The following ADAM18 variants were observed in gnomAD, a reference collection of about 807,000 sequenced individuals.
ADAM18 encodes ADAM metallopeptidase domain 18.
Under a neutral mutation model 94.4 loss-of-function variants are expected in ADAM18, and 117 were observed. The observed-to-expected ratio is 1.24, with a 90% CI of 1.07 to 1.45. The LOEUF (loss-of-function observed/expected upper bound fraction) is 1.45, where lower values mean the gene tolerates loss of function less well. Among genes scored for constraint, ADAM18 ranks in the 40% most tolerant of loss-of-function variants. ADAM18 has a pLI of 0.00. For synonymous variants in ADAM18, 327 were observed against 291.6 expected (o/e 1.12, Z -1.24); for missense variants, 936 against 880.0 (o/e 1.06, Z -0.81).
At chr8:39,602,749 G>A (rs879308683) in intron 2 of ADAM18, among the ~76,000 whole-genome samples, 1 of 151,790 alleles carries the variant, frequency 6.6e-6, no homozygotes, top group Non-Finnish European at 1.5e-5. Context: ...CCTGTCTATA[G>A]CTTTTTTTCA....
intron 2 of ADAM18, among the ~76,000 whole-genome samples, chr8:39,593,371 C>T (rs184376259): frequency 2.6e-4 from 40 of 152,098 alleles, no homozygotes; most frequent in African/African-American, 8.4e-4. Flanking sequence ...CAATGGCATT[C>T]GTCACAGAAA....
chr8:39,722,208 T>TATAC (rs1822772590), intron 18 of ADAM18, among the ~76,000 whole-genome samples: 2 of 75,050 alleles, frequency 2.7e-5, no homozygotes, highest in African/African-American at 1.7e-4. Flanking sequence ...TGTGTGTGTG[T>TATAC]GTGTGTGTGT....
intron 18 of ADAM18, among the ~76,000 whole-genome samples, chr8:39,722,215 GTGTATATATATA>G (rs1822775773): frequency 1.5e-5 from 1 of 68,082 alleles, no homozygotes; most frequent in African/African-American, 9.0e-5. Context: ...GTGTGTGTGT[GTGTATATATATA>G]TATATATATA....
intron 4 of ADAM18, 118 bp downstream of exon 4, chr8:39,609,238 TG>T (rs1819187515): frequency 2.5e-6 from 2 of 807,202 alleles, no homozygotes; most frequent in South Asian, 4.0e-5. Context: ...TACTGACTTT[TG>T]TACATAGAAA....
chr8:39,670,165 T>C (rs1821114979), intron 14 of ADAM18, among the ~76,000 whole-genome samples: 1 of 152,212 alleles, frequency 6.6e-6, no homozygotes, highest in Non-Finnish European at 1.5e-5. Flanking sequence ...TGGGGTTGTT[T>C]GTTTTTTTCT....
At chr8:39,664,547 AAC>A (rs1487978814) in intron 13 of ADAM18, among the ~76,000 whole-genome samples, 1 of 152,140 alleles carries the variant, frequency 6.6e-6, no homozygotes, top group Non-Finnish European at 1.5e-5. Flanking sequence ...AGGGAGAAAA[AAC>A]ACACATTACT....
At chr8:39,701,147 A>AAAC in intron 17 of ADAM18, among the ~76,000 whole-genome samples, 1 of 147,348 alleles carries the variant, frequency 6.8e-6, no homozygotes, top group Non-Finnish European at 1.5e-5. Context: ...AAAAAAAAAA[A>AAAC]AATTTATTGT....
At chr8:39,696,006 CTCA>C (rs1821915246) in intron 17 of ADAM18, among the ~76,000 whole-genome samples, 1 of 151,384 alleles carries the variant, frequency 6.6e-6, no homozygotes, top group Admixed American at 6.6e-5. Flanking sequence ...TTGCCACAGT[CTCA>C]TCAACAATGC....
intron 6 of ADAM18, among the ~76,000 whole-genome samples, chr8:39,612,266 G>A (rs1321411496): frequency 5.3e-5 from 8 of 152,146 alleles, no homozygotes; most frequent in Non-Finnish European, 1.0e-4. Flanking sequence ...AATTGAGGGT[G>A]GGTGGAGGGA....
At chr8:39,646,748 T>G (rs1237408447) in intron 11 of ADAM18, among the ~76,000 whole-genome samples, 2 of 152,188 alleles carry the variant, frequency 1.3e-5, no homozygotes, top group East Asian at 1.9e-4. Flanking sequence ...AATATACATG[T>G]GAACATGTAA....
intron 1 of ADAM18, 65 bp from the exon 2 acceptor site, chr8:39,585,211 G>A (rs1818363227): frequency 2.2e-6 from 3 of 1,343,928 alleles, no homozygotes; most frequent in East Asian, 2.3e-5. Flanking sequence ...ATAAGAACCC[G>A]TGCTTGACTG....
chr8:39,611,404 A>G, intron 6 of ADAM18: 1 of 957,976 alleles, frequency 1.0e-6, no homozygotes, highest in Non-Finnish European at 1.2e-6. Flanking sequence ...TTGAAATTAA[A>G]TTAGCTTGTG....
At chr8:39,688,559 T>C (rs1190161039) in intron 16 of ADAM18, among the ~76,000 whole-genome samples, 2 of 152,212 alleles carry the variant, frequency 1.3e-5, no homozygotes, top group Non-Finnish European at 2.9e-5. Flanking sequence ...GCAGAAGACA[T>C]GACCTCATTT....
At chr8:39,680,789 T>C (rs1013080056) in intron 16 of ADAM18, among the ~76,000 whole-genome samples, 3 of 152,194 alleles carry the variant, frequency 2.0e-5, no homozygotes, top group Non-Finnish European at 2.9e-5. Context: ...TAAGGGCACA[T>C]GTTCCAGAAA....
In ADAM18 at chr8:39,686,850, G is replaced by A. The variant is rs944234770; in HGVS notation, c.1822-5750G>A. On this transcript the variant is annotated intron_variant, in intron 16 of 19. Transcript: ENST00000265707. ...TATTAGTTATTGCACATCACTTGCA[G>A]TGTATTATGTGACTAAAGGTATGTT... Among the ~76,000 whole-genome samples the A allele has an allele frequency of 2.6e-5, 4 of 152,220 alleles. No individual in the cohort carries two copies. In the East Asian group the frequency reaches 7.7e-4, roughly 29 times the overall value.
chr8:39,626,585 G>A (rs1252634565), intron 6 of ADAM18, among the ~76,000 whole-genome samples: 1 of 151,650 alleles, frequency 6.6e-6, no homozygotes, highest in Non-Finnish European at 1.5e-5. Context: ...GTATCCCAGA[G>A]GTTTTGATAA....
intron 18 of ADAM18, among the ~76,000 whole-genome samples, chr8:39,709,423 T>C (rs1208075832): frequency 6.6e-6 from 1 of 152,114 alleles, no homozygotes; most frequent in Non-Finnish European, 1.5e-5. Context: ...GGACCATGGG[T>C]GGTTTAGGAA....
At chr8:39,677,116 C>T (rs1821321865) in intron 14 of ADAM18, among the ~76,000 whole-genome samples, 1 of 152,084 alleles carries the variant, frequency 6.6e-6, no homozygotes, top group Non-Finnish European at 1.5e-5. Context: ...CTTCAAATTC[C>T]TCATTTCATT....
intron 6 of ADAM18, among the ~76,000 whole-genome samples, chr8:39,627,777 G>C (rs1040711945): frequency 2.0e-5 from 3 of 151,948 alleles, no homozygotes; most frequent in African/African-American, 7.2e-5. Context: ...AAGATACTTT[G>C]TATTCTTCAT....
Sources: allele counts gnomAD v4.1 joint callset (sites outside exome capture counted in the v4.1 genomes callset), GRCh38; gene constraint gnomAD v4.1.1; transcripts MANE v1.5; gene names NCBI Gene and HGNC (gene_info 2026-07-23, HGNC 2026-07-21).